Variants in SLC44A5 observed in about 807,000 individuals in gnomAD.
SLC44A5 encodes choline transporter-like protein 5.
SLC44A5 carries 57 observed loss-of-function variants against 101.8 expected under a neutral mutation model. The observed-to-expected ratio is 0.56, with a 90% CI of 0.45 to 0.70. The LOEUF is 0.70. SLC44A5 is among the 30% of genes least tolerant of loss of function. The pLI is 0.00. For missense variants in SLC44A5, 737 were observed against 853.1 expected, an observed-to-expected ratio of 0.86 and a Z score of 1.70; for synonymous variants, 281 against 290.9, an observed-to-expected ratio of 0.97 and a Z score of 0.35.
chr1:75,407,519 A>G (rs1372611596), intron 2 of SLC44A5, among the ~76,000 whole-genome samples: 1 of 152,202 alleles, frequency 6.6e-6, no homozygotes, highest in Non-Finnish European at 1.5e-5. Flanking sequence ...AGATATATGG[A>G]CCAATGGAAC....
At chr1:75,665,748 T>G in the SLC44A5 span, among the ~76,000 whole-genome samples, 2 of 151,972 alleles carry the variant, frequency 1.3e-5, no homozygotes, top group Non-Finnish European at 2.9e-5. Context: ...CTGGAACCTA[T>G]AAAGAACTAA....
intron 3 of SLC44A5, among the ~76,000 whole-genome samples, chr1:75,366,239 A>G (rs1397331095): frequency 6.6e-6 from 1 of 152,166 alleles, no homozygotes; most frequent in Non-Finnish European, 1.5e-5. Flanking sequence ...GAAGTCCCTC[A>G]GCTTTTGTTT....
At chr1:75,452,490 A>G (rs1338992633) in intron 2 of SLC44A5, among the ~76,000 whole-genome samples, 1 of 152,170 alleles carries the variant, frequency 6.6e-6, no homozygotes, top group African/African-American at 2.4e-5. Context: ...CCCCCACACA[A>G]TAGAAAGTAA....
chr1:75,385,983 A>G, intron 3 of SLC44A5, among the ~76,000 whole-genome samples: 1 of 152,334 alleles, frequency 6.6e-6, no homozygotes, highest in African/African-American at 2.4e-5. Context: ...ATAGATGCAG[A>G]AAAAGCCTTT....
chr1:75,627,067 T>C, the SLC44A5 span, among the ~76,000 whole-genome samples: 2 of 152,196 alleles, frequency 1.3e-5, no homozygotes, highest in African/African-American at 2.4e-5. Flanking sequence ...CTCCATCTTT[T>C]AAAGTCCTAG....
intron 4 of SLC44A5, among the ~76,000 whole-genome samples, chr1:75,305,654 C>T (rs899861834): frequency 1.3e-5 from 2 of 152,336 alleles, no homozygotes; most frequent in East Asian, 3.9e-4. Context: ...CTCATAGCAC[C>T]TCTAGACTCC....
chr1:75,364,401 T>G (rs1273236817), intron 3 of SLC44A5, among the ~76,000 whole-genome samples: 1 of 152,150 alleles, frequency 6.6e-6, no homozygotes, highest in African/African-American at 2.4e-5. Context: ...AAGGGCTTGT[T>G]GCTACACACT....
At chr1:75,521,286 A>G (rs1411976441) in intron 2 of SLC44A5, among the ~76,000 whole-genome samples, 1 of 152,194 alleles carries the variant, frequency 6.6e-6, no homozygotes, top group East Asian at 1.9e-4. Context: ...GAAAAAGTCT[A>G]AAAGCAGGGA....
intron 2 of SLC44A5, among the ~76,000 whole-genome samples, chr1:75,397,501 C>A (rs989801137): frequency 6.6e-6 from 1 of 151,988 alleles, no homozygotes; most frequent in Admixed American, 6.6e-5. Context: ...CCAGGGAAAG[C>A]GAACATTTGT....
At chr1:75,429,187 C>A (rs887546506) in intron 2 of SLC44A5, among the ~76,000 whole-genome samples, 6 of 152,114 alleles carry the variant, frequency 3.9e-5, no homozygotes, top group Admixed American at 3.9e-4. Context: ...TAAAAGAATA[C>A]CTGGAATGTT....
chr1:75,641,829 G>C, the SLC44A5 span: 2 of 1,501,114 alleles, frequency 1.3e-6, no homozygotes, highest in East Asian at 4.5e-5. Context: ...TTTTCCACTG[G>C]TTCCCTCAAA....
intron 1 of SLC44A5, among the ~76,000 whole-genome samples, chr1:75,587,783 C>A (rs541852010): frequency 6.6e-6 from 1 of 152,148 alleles, no homozygotes; most frequent in African/African-American, 2.4e-5. Flanking sequence ...TGTGACCTTC[C>A]CTTTTTCCTT....
intron 7 of SLC44A5, among the ~76,000 whole-genome samples, chr1:75,246,114 C>A (rs1289168049): frequency 6.6e-6 from 1 of 152,072 alleles, no homozygotes; most frequent in Non-Finnish European, 1.5e-5. Flanking sequence ...CTGTGCACCA[C>A]AAAGGGCACT....
chr1:75,625,590 T>G, the SLC44A5 span, among the ~76,000 whole-genome samples: 1 of 152,166 alleles, frequency 6.6e-6, no homozygotes, highest in Non-Finnish European at 1.5e-5. Flanking sequence ...TGTCAAATGA[T>G]ACACTTTGTG....
At chr1:75,225,433 C>G (rs1647176502) in intron 13 of SLC44A5, among the ~76,000 whole-genome samples, 1 of 152,120 alleles carries the variant, frequency 6.6e-6, no homozygotes, top group Non-Finnish European at 1.5e-5. Context: ...CCTATATCCC[C>G]TCTTTTGTTT....
chr1:75,518,808 A>T (rs993437146), intron 2 of SLC44A5, among the ~76,000 whole-genome samples: 14 of 152,230 alleles, frequency 9.2e-5, no homozygotes, highest in African/African-American at 3.4e-4. Flanking sequence ...GAAAATCAAC[A>T]GAGAGAGTCA....
At chr1:75,503,326 T>C (rs1669070994) in intron 2 of SLC44A5, among the ~76,000 whole-genome samples, 1 of 152,122 alleles carries the variant, frequency 6.6e-6, no homozygotes, top group Non-Finnish European at 1.5e-5. Context: ...TATGTTACGG[T>C]GGGAGGTGAC....
the SLC44A5 span, among the ~76,000 whole-genome samples, chr1:75,721,477 T>A: frequency 6.6e-6 from 1 of 152,242 alleles, no homozygotes; most frequent in Non-Finnish European, 1.5e-5. Context: ...CCAAGACAAT[T>A]CTTTTTCTTC....
chr1:75,433,072 C>T (rs1353788003), intron 2 of SLC44A5, among the ~76,000 whole-genome samples: 1 of 152,036 alleles, frequency 6.6e-6, no homozygotes, highest in Non-Finnish European at 1.5e-5. Context: ...TTTTCTTCTG[C>T]TATAGTTTTA....
Sources: allele counts gnomAD v4.1 joint callset (sites outside exome capture counted in the v4.1 genomes callset), GRCh38; gene constraint gnomAD v4.1.1; transcripts MANE v1.5; gene names NCBI Gene and HGNC (gene_info 2026-07-23, HGNC 2026-07-21).